Variants in ZBTB20 observed in about 807,000 individuals in gnomAD.
ZBTB20 encodes the protein zinc finger and BTB domain containing 20, also known as zinc finger and BTB domain-containing protein 20.
Under a neutral mutation model 56.9 loss-of-function variants are expected in ZBTB20, and 9 were observed. The observed-to-expected ratio is 0.16, with a 90% CI of 0.10 to 0.28. ZBTB20 has a LOEUF of 0.28. ZBTB20 is among the 10% of genes least tolerant of loss of function. The pLI is 1.00. For synonymous variants in ZBTB20, 417 were observed against 420.7 expected, an observed-to-expected ratio of 0.99 and a Z score of 0.11; for missense variants, 655 against 1,003.0, an observed-to-expected ratio of 0.65 and a Z score of 4.69.
chr3:114,747,846 G>C lies in ZBTB20; in HGVS notation c.-343+53255C>G, dbSNP rs2067160044. Among the ~76,000 whole-genome samples, 2 of 4,352 alleles carry C rather than the reference G, an allele frequency of 4.6e-4. 1 individual carries two copies. The highest frequency in any genetic ancestry group is 4.9e-4 in the African/African-American group (2 of 4,092). The allele number at this position is 4,352 out of a possible 152,430, so 2.9% of individuals were successfully genotyped here. On this transcript the variant is annotated intron_variant, in intron 5 of 11. Transcript: ENST00000675478. ...GGCAGGAGAATGGCGTGAACCCCAG[G>C]GGGCGGAGCCTGCAGTGAGCCGAGA...
intron 7 of ZBTB20, among the ~76,000 whole-genome samples, chr3:114,436,865 G>C (rs572479966): frequency 2.6e-5 from 4 of 152,252 alleles, no homozygotes; most frequent in African/African-American, 9.6e-5. Context: ...AAAAAGAAAG[G>C]GGTGGGGTGG....
At chr3:114,472,457 C>T (rs1418958526) in intron 7 of ZBTB20, among the ~76,000 whole-genome samples, 1 of 152,180 alleles carries the variant, frequency 6.6e-6, no homozygotes, top group African/African-American at 2.4e-5. Flanking sequence ...TGCCTTTAAT[C>T]TCAGCACTTT....
chr3:114,358,835 A>G lies in ZBTB20; in HGVS notation c.200-6957T>C, dbSNP rs374289287. Reference sequence around the variant, plus strand: ...TAAGGATCTTTGATATTGGAAACATATATTAATCAATCAACTTCTCCCAGA... The same window carrying G: ...TAAGGATCTTTGATATTGGAAACATGTATTAATCAATCAACTTCTCCCAGA... On this transcript the variant is annotated intron_variant, in intron 10 of 11. Transcript: ENST00000675478. Among the ~76,000 whole-genome samples, 32 of 152,318 alleles carry G rather than the reference A, an allele frequency of 2.1e-4. No individual in the cohort carries two copies. The East Asian group carries it at 5.2e-3, about 25-fold the overall frequency.
At chr3:114,852,310 C>A (rs1437398236) in intron 4 of ZBTB20, among the ~76,000 whole-genome samples, 2 of 152,088 alleles carry the variant, frequency 1.3e-5, no homozygotes, top group African/African-American at 4.8e-5. Flanking sequence ...GTTGCCCTAG[C>A]TGGAGTGCAG....
intron 3 of ZBTB20, among the ~76,000 whole-genome samples, chr3:114,961,979 C>T (rs997402967): frequency 2.6e-5 from 4 of 151,944 alleles, no homozygotes; most frequent in Admixed American, 6.6e-5. Flanking sequence ...TTCTGTTCAA[C>T]GGGAAAAATG....
At chr3:114,744,918 GA>G (rs936553938) in intron 5 of ZBTB20, among the ~76,000 whole-genome samples, 4 of 151,476 alleles carry the variant, frequency 2.6e-5, no homozygotes, top group South Asian at 2.1e-4. Context: ...TTGCATACGT[GA>G]AAAAAAAGAA....
intron 5 of ZBTB20, among the ~76,000 whole-genome samples, chr3:114,742,767 C>A (rs1382929335): frequency 6.6e-6 from 1 of 152,100 alleles, no homozygotes; most frequent in African/African-American, 2.4e-5. Context: ...GCTTTTAAAA[C>A]CTACTGATAC....
intron 7 of ZBTB20, among the ~76,000 whole-genome samples, chr3:114,481,819 G>C (rs2041584900): frequency 6.6e-6 from 1 of 152,218 alleles, no homozygotes; most frequent in East Asian, 1.9e-4. Flanking sequence ...AGGGAAGCTG[G>C]AGTCACAGCA....
intron 4 of ZBTB20, among the ~76,000 whole-genome samples, chr3:114,873,377 T>C (rs543952836): frequency 6.6e-6 from 1 of 152,298 alleles, no homozygotes; most frequent in Non-Finnish European, 1.5e-5. Context: ...TGTAATTAAA[T>C]GGAAAACTGG....
At chr3:115,110,921 C>A (rs2083860437) in intron 1 of ZBTB20, among the ~76,000 whole-genome samples, 2 of 151,926 alleles carry the variant, frequency 1.3e-5, no homozygotes, top group South Asian at 4.1e-4. Flanking sequence ...ACCTGGGAGG[C>A]AGAGGCTGCA....
chr3:114,562,463 G>C (rs891803856), intron 6 of ZBTB20, among the ~76,000 whole-genome samples: 1 of 152,112 alleles, frequency 6.6e-6, no homozygotes, highest in Non-Finnish European at 1.5e-5. Context: ...GCTCCTGTTT[G>C]ATCTTTTATC....
chr3:115,087,817 T>C (rs980722436), intron 1 of ZBTB20, among the ~76,000 whole-genome samples: 11 of 151,942 alleles, frequency 7.2e-5, no homozygotes, highest in African/African-American at 2.4e-4. Flanking sequence ...CTCACCCACA[T>C]GCCATCAGTT....
At chr3:114,730,204 T>TTGTGTGTG (rs140060489) in intron 5 of ZBTB20, among the ~76,000 whole-genome samples, 3 of 150,508 alleles carry the variant, frequency 2.0e-5, no homozygotes, top group Non-Finnish European at 3.0e-5. Context: ...TGTTGCAATT[T>TTGTGTGTG]TGTGTGTGTG....
chr3:115,096,217 T>C (rs181621846), intron 1 of ZBTB20, among the ~76,000 whole-genome samples: 3 of 152,218 alleles, frequency 2.0e-5, no homozygotes, highest in Admixed American at 6.5e-5. Flanking sequence ...CGATTGCTAG[T>C]GTTTATTGTC....
chr3:114,315,567 C>CTGTGTG lies in ZBTB20; in HGVS notation c.*23437_*23438insCACACA, dbSNP rs1560041347. 10 of 34,942 alleles carry CTGTGTG rather than the reference C, an allele frequency of 2.9e-4. No homozygotes were observed. Among genetic ancestry groups the CTGTGTG allele is most frequent in the African/African-American group, 9.2e-4 (10 of 10,918 alleles). 2.2% of individuals were successfully genotyped at this position (34,942 alleles called of 1,614,324 possible). ...TGTGTGTATTTTAGGTCTAAACATA[C>CTGTGTG]AGTGTGTGTGTGTGTGTGTGTGTGT... On this transcript the variant is annotated 3_prime_UTR_variant, in exon 12 of 12. Coordinates refer to ENST00000675478, the MANE Select transcript of ZBTB20 (RefSeq NM_001348800.3).
chr3:114,452,377 G>C (rs766452362), intron 7 of ZBTB20, among the ~76,000 whole-genome samples: 5 of 152,178 alleles, frequency 3.3e-5, no homozygotes, highest in African/African-American at 1.2e-4. Context: ...GTAAGTGTAA[G>C]AAGTGAGTTA....
At chr3:114,731,324 C>T (rs887710150) in intron 5 of ZBTB20, among the ~76,000 whole-genome samples, 1 of 152,134 alleles carries the variant, frequency 6.6e-6, no homozygotes, top group Non-Finnish European at 1.5e-5. Flanking sequence ...ATCTCTGCTA[C>T]GTCATTCATG....
chr3:114,526,312 TC>T (rs981758798), intron 6 of ZBTB20, among the ~76,000 whole-genome samples: 6 of 152,208 alleles, frequency 3.9e-5, no homozygotes, highest in African/African-American at 1.4e-4. Context: ...GTCTCTTCTT[TC>T]AAATAACATC....
At chr3:115,019,713 G>A (rs1408374114) in intron 2 of ZBTB20, among the ~76,000 whole-genome samples, 2 of 151,228 alleles carry the variant, frequency 1.3e-5, no homozygotes, top group Non-Finnish European at 3.0e-5. Flanking sequence ...GAATGCAGGT[G>A]GAAGATGTCT....
Sources: gnomAD v4.1 joint callset for allele counts (sites outside exome capture counted in the v4.1 genomes callset) on GRCh38, gnomAD v4.1.1 for gene constraint, MANE v1.5 for transcripts, NCBI Gene and HGNC (gene_info 2026-07-23, HGNC 2026-07-21) for gene names.